Variants in ABCB1 observed in about 807,000 individuals in gnomAD.
The protein encoded by ABCB1 is ATP-dependent translocase ABCB1.
Under a neutral mutation model 142.0 loss-of-function variants are expected in ABCB1, and 69 were observed. That is an observed-to-expected ratio of 0.49 (90% CI 0.40 to 0.59). The LOEUF is 0.59. ABCB1 is among the 20% of genes least tolerant of loss of function. The pLI, the probability that ABCB1 is intolerant of heterozygous loss-of-function variation, is 0.00. For missense variants in ABCB1, 1,326 were observed against 1,554.7 expected, an observed-to-expected ratio of 0.85 and a Z score of 2.47; for synonymous variants, 532 against 539.2, an observed-to-expected ratio of 0.99 and a Z score of 0.18.
At chr7:87,643,016 A>G (rs972189680) in intron 1 of ABCB1, among the ~76,000 whole-genome samples, 1 of 152,116 alleles carries the variant, frequency 6.6e-6, no homozygotes, top group Non-Finnish European at 1.5e-5. Flanking sequence ...CCTGGGCTCA[A>G]GTTGTCCTCT....
chr7:87,707,743 A>T (rs1390901077), intron 1 of ABCB1, among the ~76,000 whole-genome samples: 1 of 152,032 alleles, frequency 6.6e-6, no homozygotes. Context: ...CTTATCATAC[A>T]CCCAGTGGAG....
At position 87,545,961 on chromosome 7, in the gene ABCB1, C is replaced by T. The variant is rs199931362; in HGVS notation, c.1789G>A (p.Val597Ile). The T allele has an allele frequency of 3.6e-5, 58 of 1,614,068 alleles. No homozygotes were observed. In the South Asian group the frequency reaches 3.6e-4, roughly 10 times the overall value. The change falls in exon 15 of 28, where the codon GTC becomes ATC. Residue 597 changes from valine to isoleucine, a missense_variant. Physicochemically the swap from Val to Ile is conservative, Grantham distance 29. Coordinates refer to ENST00000622132, the MANE Select transcript of ABCB1 (RefSeq NM_001348946.2). ...ACTCCATCATCGAAACCAGCGATGA[C>T]GTCAGCATTACGAACTGTAGACAAA... ...HRLSTVRNADVIAGFDDGVIV... is the reference protein window; with the variant it reads ...HRLSTVRNADIIAGFDDGVIV...
intron 1 of ABCB1, among the ~76,000 whole-genome samples, chr7:87,658,571 T>G (rs1328294460): frequency 6.6e-6 from 1 of 151,984 alleles, no homozygotes; most frequent in Non-Finnish European, 1.5e-5. Context: ...TCAAATAAAT[T>G]CATGCCAAAG....
In ABCB1 at chr7:87,509,275, A is replaced by G. The variant is rs766547835; in HGVS notation, c.3489T>C (p.Asn1163=). ...GCTGTTTATTTGAAGAGAGACTTAC[A>G]TTAGGCAGTGACTCGATGAAGGCAT... ...NIHAFIESLP[N]KYSTKVGDKG... Residue 1163 remains asparagine (N), a splice_region_variant and synonymous_variant, in exon 26 of 28, where the codon AAT becomes AAC. Coordinates refer to ENST00000622132, the MANE Select transcript of ABCB1 (RefSeq NM_001348946.2). 61 of 1,613,998 alleles carry G rather than the reference A, an allele frequency of 3.8e-5. No individual in the cohort carries two copies. The South Asian group carries it at 6.7e-4, about 18-fold the overall frequency.
intron 1 of ABCB1, among the ~76,000 whole-genome samples, chr7:87,684,286 A>G (rs1469604377): frequency 1.3e-5 from 2 of 152,174 alleles, no homozygotes; most frequent in Non-Finnish European, 2.9e-5. Flanking sequence ...ATTCAATGCA[A>G]TCTCAAAGTT....
chr7:87,559,384 C>G (rs980164067), intron 8 of ABCB1, among the ~76,000 whole-genome samples: 2 of 151,930 alleles, frequency 1.3e-5, no homozygotes, highest in Non-Finnish European at 2.9e-5. Flanking sequence ...TATAAAGCTG[C>G]AATTTAAAAA....
chr7:87,695,610 C>T (rs1828431649), intron 1 of ABCB1, among the ~76,000 whole-genome samples: 1 of 152,028 alleles, frequency 6.6e-6, no homozygotes, highest in South Asian at 2.1e-4. Context: ...TTTTAACTAA[C>T]AGAACTTTCA....
intron 14 of ABCB1, among the ~76,000 whole-genome samples, chr7:87,547,957 T>A (rs1584868847): frequency 6.7e-6 from 1 of 150,062 alleles, no homozygotes; most frequent in East Asian, 2.0e-4. Flanking sequence ...CAGCAGAGGT[T>A]GTAGTGGCCA....
chr7:87,667,872 C>T (rs1825422353), intron 1 of ABCB1, among the ~76,000 whole-genome samples: 1 of 152,012 alleles, frequency 6.6e-6, no homozygotes, highest in Non-Finnish European at 1.5e-5. Flanking sequence ...TGATGTGCTG[C>T]CAGATTTGGT....
intron 1 of ABCB1, among the ~76,000 whole-genome samples, chr7:87,686,848 G>C (rs571509059): frequency 6.6e-6 from 1 of 151,404 alleles, no homozygotes; most frequent in South Asian, 2.1e-4. Flanking sequence ...GGGAGGCTAA[G>C]GTGGGAGGGT....
At position 87,585,590 on chromosome 7, in the gene ABCB1, G is replaced by A; in HGVS notation, c.208C>T (p.Leu70=). 1 of 1,613,874 alleles carries A rather than the reference G, an allele frequency of 6.2e-7. No individual in the cohort carries two copies. Among genetic ancestry groups the A allele is most frequent in the Non-Finnish European group, 8.5e-7 (1 of 1,179,884 alleles). Residue 70 remains leucine, a synonymous_variant, in exon 4 of 28, where the codon CTG becomes TTG. Transcript: ENST00000622132. ...ATATCTGTCATTTCTCCAAACACCAGCATCATGAGAGGAAGTCCAGCCCCA... is the reference window on the plus strand; with the variant it reads ...ATATCTGTCATTTCTCCAAACACCAACATCATGAGAGGAAGTCCAGCCCCA... The part of the protein sequence containing the change: ...IHGAGLPLMM[L]VFGEMTDIFA...
At chr7:87,706,230 T>C (rs527345352) in intron 1 of ABCB1, among the ~76,000 whole-genome samples, 1 of 152,256 alleles carries the variant, frequency 6.6e-6, no homozygotes, top group Admixed American at 6.5e-5. Flanking sequence ...ATACAAGATA[T>C]GGCCATGATT....
At chr7:87,594,071 G>T (rs1819098570) in intron 3 of ABCB1, among the ~76,000 whole-genome samples, 1 of 152,084 alleles carries the variant, frequency 6.6e-6, no homozygotes, top group South Asian at 2.1e-4. Flanking sequence ...CTTTTATTAT[G>T]TTCTTGTGTT....
chr7:87,543,155 A>T (rs1473366555), intron 17 of ABCB1, among the ~76,000 whole-genome samples: 1 of 152,074 alleles, frequency 6.6e-6, no homozygotes, highest in African/African-American at 2.4e-5. Flanking sequence ...TTAGCCAGGC[A>T]TGGTGGTGCA....
intron 1 of ABCB1, among the ~76,000 whole-genome samples, chr7:87,614,901 G>T (rs778944168): frequency 6.6e-6 from 1 of 151,648 alleles, no homozygotes; most frequent in Non-Finnish European, 1.5e-5. Flanking sequence ...GCTGGAGTGC[G>T]GTGGCACCAT....
intron 20 of ABCB1, 122 bp downstream of exon 20, chr7:87,536,336 T>C (rs1816290501): frequency 1.2e-6 from 1 of 842,470 alleles, no homozygotes. Flanking sequence ...TATTCGTAGG[T>C]TAGATATTTA....
intron 5 of ABCB1, 77 bp from the exon 6 acceptor site, chr7:87,567,053 C>T: frequency 1.4e-6 from 2 of 1,404,410 alleles, no homozygotes; most frequent in Non-Finnish European, 2.0e-6. Context: ...CCACTCATTC[C>T]TATTTTTTCA....
intron 19 of ABCB1, 85 bp downstream of exon 19, chr7:87,539,183 C>T: frequency 7.0e-7 from 1 of 1,423,206 alleles, no homozygotes; most frequent in East Asian, 2.3e-5. Flanking sequence ...GCCTGGGAAA[C>T]ATGACAGAGC....
chr7:87,700,762 A>G (rs1269417483), intron 1 of ABCB1, among the ~76,000 whole-genome samples: 1 of 152,230 alleles, frequency 6.6e-6, no homozygotes, highest in Non-Finnish European at 1.5e-5. Flanking sequence ...AAGATGTCCA[A>G]GACCCTTTCT....
Sources: gnomAD v4.1 joint callset for allele counts (sites outside exome capture counted in the v4.1 genomes callset) on GRCh38, gnomAD v4.1.1 for gene constraint, MANE v1.5 for transcripts, NCBI Gene and HGNC (gene_info 2026-07-23, HGNC 2026-07-21) for gene names.